The following TFDP1 variants were observed in gnomAD, a reference collection of about 807,000 sequenced individuals.
The protein encoded by TFDP1 is transcription factor Dp-1, also known as DRTF1-polypeptide 1.
TFDP1 carries 6 observed loss-of-function variants against 48.0 expected under a neutral mutation model. The ratio of observed to expected loss-of-function variants is 0.13; its 90% CI spans 0.07 to 0.25. The LOEUF is 0.25. Among genes scored for constraint, TFDP1 ranks in the 10% least tolerant of loss-of-function variants. The pLI, the probability that TFDP1 is intolerant of heterozygous loss-of-function variation, is 1.00. For synonymous variants in TFDP1, 201 were observed against 211.6 expected, an observed-to-expected ratio of 0.95 and a Z score of 0.44; for missense variants, 335 against 543.0, an observed-to-expected ratio of 0.62 and a Z score of 3.81.
chr13:113,625,064 TC>T (rs2049102525), intron 4 of TFDP1, among the ~76,000 whole-genome samples: 47 of 138,934 alleles, frequency 3.4e-4, no homozygotes, highest in African/African-American at 1.3e-3. Flanking sequence ...TCCTCAGGTG[TC>T]TCTCACGTGT....
chr13:113,636,836 A>G lies in TFDP1; in HGVS notation c.1006+136A>G, dbSNP rs4150812. 6,963 of 1,039,318 alleles carry G rather than the reference A, an allele frequency of 6.7e-3. 333 individuals carry two copies. The East Asian group carries it at 0.11, about 16-fold the overall frequency. The allele number at this position is 1,039,318 out of a possible 1,614,324, so 64.4% of individuals were successfully genotyped here. A position where few individuals can be genotyped will look rare whatever the true frequency, so the allele number is the denominator to read the frequency against. Reference sequence around the variant, plus strand: ...TGTGTAGGGCCAGGAGCAAAGACAAAGGGGCTGTGAGGGGGATGAGGGCAG... The same window carrying G: ...TGTGTAGGGCCAGGAGCAAAGACAAGGGGGCTGTGAGGGGGATGAGGGCAG... On this transcript the variant is annotated intron_variant, in intron 10 of 11. Transcript: ENST00000375370.
chr13:113,596,754 G>A (rs1420002212), intron 2 of TFDP1, among the ~76,000 whole-genome samples: 1 of 152,236 alleles, frequency 6.6e-6, no homozygotes, highest in Non-Finnish European at 1.5e-5. Context: ...GGAAGGGGAT[G>A]AAGGTGGTCA....
chr13:113,609,481 C>T (rs928356969), intron 2 of TFDP1, among the ~76,000 whole-genome samples: 9 of 152,062 alleles, frequency 5.9e-5, no homozygotes, highest in Non-Finnish European at 1.0e-4. Flanking sequence ...CCGTGGTCCT[C>T]GGGCTTACGG....
intron 2 of TFDP1, among the ~76,000 whole-genome samples, chr13:113,592,302 T>C (rs541564050): frequency 6.6e-6 from 1 of 152,312 alleles, no homozygotes; most frequent in South Asian, 2.1e-4. Flanking sequence ...ATTACAGGCA[T>C]GCGCCACCAT....
chr13:113,600,762 C>T (rs572286710), intron 2 of TFDP1, among the ~76,000 whole-genome samples: 8 of 149,340 alleles, frequency 5.4e-5, no homozygotes, highest in Admixed American at 1.3e-4. Context: ...TCCAGGACCG[C>T]GATAGAGAAC....
In TFDP1 at chr13:113,619,565, G is replaced by A. The variant is rs548618656; in HGVS notation, c.80-3615G>A. On this transcript the variant is annotated intron_variant, in intron 3 of 11. Coordinates refer to ENST00000375370, the MANE Select transcript of TFDP1 (RefSeq NM_007111.5). ...TGCCACTGCCCTTTCCAGCCTGTAC[G>A]TCTGGGTGTGGGTCTGAGATGTATT... is the stretch of plus-strand genomic sequence containing the variant. 1.8e-4 allele frequency among the ~76,000 whole-genome samples: 28 copies of A among 151,808 alleles called. 1 individual carries two copies. Among genetic ancestry groups the A allele is most frequent in the Non-Finnish European group, 3.4e-4 (23 of 67,982 alleles).
intron 2 of TFDP1, among the ~76,000 whole-genome samples, chr13:113,599,613 C>A (rs558698982): frequency 2.6e-5 from 4 of 152,124 alleles, no homozygotes; most frequent in Non-Finnish European, 4.4e-5. Flanking sequence ...GGTGTAGTCC[C>A]CCCTGCCCTG....
chr13:113,631,945 C>T (rs949483683), intron 5 of TFDP1: 11 of 689,340 alleles, frequency 1.6e-5, no homozygotes, highest in South Asian at 4.3e-5. Context: ...ATGGAGAAGT[C>T]GGGCTGGGCA....
rs762190165 is a variant in TFDP1 at position 113,585,805 on chromosome 13, CA to C, written c.-32del. The C allele has an allele frequency of 1.9e-6, 3 of 1,565,376 alleles. No individual in the cohort carries two copies. In the African/African-American group the frequency reaches 4.1e-5, roughly 22 times the overall value. ...CATTTTTCTTCTCTGGGAAGGTGAACATTTGTAGCATTGATTTCCCGGATCT... is the reference window on the plus strand; with the variant it reads ...CATTTTTCTTCTCTGGGAAGGTGAACTTTGTAGCATTGATTTCCCGGATCT... On this transcript the variant is annotated 5_prime_UTR_variant, in exon 2 of 12. Transcript: ENST00000375370.
At position 113,632,981 on chromosome 13, in the gene TFDP1, C is replaced by A; in HGVS notation, c.309-139C>A. On this transcript the variant is annotated intron_variant, in intron 5 of 11. Transcript: ENST00000375370. The stretch of plus-strand genomic sequence containing the variant: ...GGGCTAGGGGGTCCTGGCCTGCTCA[C>A]GTGTTGGATCTGCTGCGCCCGTGGG... 5.9e-6 allele frequency: 6 copies of A among 1,009,004 alleles called. No individual in the cohort carries two copies. The South Asian group carries it at 9.7e-5, about 16-fold the overall frequency. 62.5% of individuals were successfully genotyped at this position (1,009,004 alleles called of 1,614,324 possible).
At chr13:113,619,650 C>G (rs2048950281) in intron 3 of TFDP1, among the ~76,000 whole-genome samples, 1 of 152,080 alleles carries the variant, frequency 6.6e-6, no homozygotes, top group South Asian at 2.1e-4. Flanking sequence ...GCCCCTATCT[C>G]CAGGCCCTTC....
At chr13:113,628,260 AAGCCGTGTAAAGACTGTGTCTGG>A (rs1254972168) in intron 4 of TFDP1, among the ~76,000 whole-genome samples, 17 of 148,862 alleles carry the variant, frequency 1.1e-4, no homozygotes, top group South Asian at 4.2e-4. Context: ...ACTGTGTCTG[AAGCCGTGTAAAGACTGTGTCTGG>A]AGCCGTGTAA....
At chr13:113,636,909 TG>T (rs2049507115) in intron 10 of TFDP1, among the ~76,000 whole-genome samples, 1 of 152,142 alleles carries the variant, frequency 6.6e-6, no homozygotes, top group Non-Finnish European at 1.5e-5. Context: ...CCACTGGATA[TG>T]GGGGCCTTGA....
chr13:113,633,341 C>T lies in TFDP1; in HGVS notation c.474+56C>T, dbSNP rs938262827. 3.9e-5 allele frequency: 47 copies of T among 1,208,404 alleles called. No homozygotes were observed. The highest frequency in any genetic ancestry group is 2.6e-4 in the East Asian group (11 of 42,550). 74.9% of individuals were successfully genotyped at this position (1,208,404 alleles called of 1,614,324 possible). ...GGTGGCGGAGCCCAGCGGTGTGGTA[C>T]GTTTCGCTCTTTTAATATCGGGAAC... On this transcript the variant is annotated intron_variant, in intron 6 of 11. Transcript: ENST00000375370. The surrounding 1 kb of genome is among the most constrained non-coding windows in gnomAD (Gnocchi z 4.5).
intron 8 of TFDP1, 107 bp from the exon 9 acceptor site, chr13:113,635,870 A>T: frequency 7.5e-7 from 1 of 1,331,728 alleles, no homozygotes; most frequent in Admixed American, 2.3e-5. Context: ...GTCCAGGCCA[A>T]CTCCTCGCTG....
intron 4 of TFDP1, among the ~76,000 whole-genome samples, chr13:113,626,495 G>A (rs1346840912): frequency 6.6e-6 from 1 of 151,542 alleles, no homozygotes; most frequent in Non-Finnish European, 1.5e-5. Context: ...TCCCTTCCCC[G>A]CGTCCCACTT....
At chr13:113,629,504 C>T (rs576572763) in intron 4 of TFDP1, among the ~76,000 whole-genome samples, 42 of 152,328 alleles carry the variant, frequency 2.8e-4, no homozygotes, top group African/African-American at 9.9e-4. Context: ...ACTGCTTCCA[C>T]TGCCCATACG....
chr13:113,638,053 G>A (rs527308817), intron 11 of TFDP1, among the ~76,000 whole-genome samples, 157 bp downstream of exon 11: 23 of 152,334 alleles, frequency 1.5e-4, no homozygotes, highest in Admixed American at 1.4e-3. Flanking sequence ...GGCTTTCCCT[G>A]TGTGGAGAGC....
chr13:113,619,491 A>C (rs963336435), intron 3 of TFDP1, among the ~76,000 whole-genome samples: 20 of 150,726 alleles, frequency 1.3e-4, no homozygotes, highest in African/African-American at 4.9e-4. Context: ...CAAAAAAAAA[A>C]AAAAAAAAAG....
Sources: gnomAD v4.1 joint callset for allele counts (sites outside exome capture counted in the v4.1 genomes callset) on GRCh38, gnomAD v4.1.1 for gene constraint, Gnocchi (gnomAD v3.1) non-coding constraint, MANE v1.5 for transcripts, NCBI Gene and HGNC (gene_info 2026-07-23, HGNC 2026-07-21) for gene names.